Variants in RFX8 observed in about 807,000 individuals in gnomAD.
RFX8 encodes the protein DNA-binding protein RFX8.
A neutral mutation model predicts 54.6 loss-of-function variants in RFX8; 46 were observed. That is an observed-to-expected ratio of 0.84 (90% CI 0.67 to 1.08). The LOEUF (loss-of-function observed/expected upper bound fraction) is 1.08. RFX8 is among the 50% of genes least tolerant of loss of function. The probability of loss-of-function intolerance (pLI) is 0.00; values close to 1 mark genes in which losing one functional copy is unlikely to be tolerated. For missense variants in RFX8, 536 were observed against 562.3 expected, an observed-to-expected ratio of 0.95 and a Z score of 0.47; for synonymous variants, 192 against 209.5, an observed-to-expected ratio of 0.92 and a Z score of 0.72.
chr2:101,401,731 C>T (rs771869378), intron 11 of RFX8, among the ~76,000 whole-genome samples: 4 of 152,246 alleles, frequency 2.6e-5, no homozygotes, highest in Middle Eastern at 3.4e-3. Flanking sequence ...CTACAACCTG[C>T]GTCCTGCACT....
At chr2:101,420,479 G>A (rs1686801685) in intron 4 of RFX8, among the ~76,000 whole-genome samples, 1 of 152,068 alleles carries the variant, frequency 6.6e-6, no homozygotes, top group South Asian at 2.1e-4. Context: ...AGGAGGTGGA[G>A]GTACAGTGAG....
At chr2:101,469,080 G>GTA (rs1491455388) in intron 1 of RFX8, among the ~76,000 whole-genome samples, 164 of 8,062 alleles carry the variant, frequency 0.02, 16 homozygotes, top group African/African-American at 0.11. Flanking sequence ...ATATATATAA[G>GTA]TGTATATATA....
chr2:101,420,224 C>T lies in RFX8; in HGVS notation c.238-1260G>A, dbSNP rs116740992. 2.8e-3 allele frequency among the ~76,000 whole-genome samples: 430 copies of T among 152,232 alleles called. 5 individuals are homozygous for T. The highest frequency in any genetic ancestry group is 9.9e-3 in the African/African-American group (412 of 41,536). On this transcript the variant is annotated intron_variant, in intron 4 of 11. Transcript: ENST00000428343. ...GGCATCAGCCTACTTTCCCACCTCC[C>T]CTCTGGCTTCTCTTCTTTAGTAATA...
intron 2 of RFX8, among the ~76,000 whole-genome samples, chr2:101,447,527 G>A (rs1009653654): frequency 6.6e-6 from 1 of 152,014 alleles, no homozygotes; most frequent in Non-Finnish European, 1.5e-5. Context: ...TACATTTATG[G>A]GGTACATGTG....
At chr2:101,416,878 A>G (rs1014081295) in intron 6 of RFX8, among the ~76,000 whole-genome samples, 4 of 152,194 alleles carry the variant, frequency 2.6e-5, no homozygotes, top group African/African-American at 9.7e-5. Context: ...GCATTCAGAG[A>G]CTGCTGCCTG....
chr2:101,402,289 C>T (rs1685477631), intron 11 of RFX8, 147 bp downstream of exon 11: 1 of 703,806 alleles, frequency 1.4e-6, no homozygotes, highest in African/African-American at 1.8e-5. Flanking sequence ...GAATTAAACT[C>T]ACCCCTGGCA....
chr2:101,461,719 A>G (rs1689291719), intron 2 of RFX8, among the ~76,000 whole-genome samples: 1 of 152,224 alleles, frequency 6.6e-6, no homozygotes. Context: ...AACTTGCAGA[A>G]AATATAATTA....
chr2:101,402,894 C>A (rs541851822), intron 10 of RFX8, 142 bp from the exon 11 acceptor site: 2 of 724,456 alleles, frequency 2.8e-6, no homozygotes, highest in South Asian at 3.9e-5. Flanking sequence ...AGGCCTGGGT[C>A]GGCCTCTTAC....
At chr2:101,469,321 T>TA (rs5832972) in intron 1 of RFX8, among the ~76,000 whole-genome samples, 3 of 149,886 alleles carry the variant, frequency 2.0e-5, no homozygotes, top group African/African-American at 7.4e-5. Flanking sequence ...TCCAGATACT[T>TA]AAAAAAAAAT....
intron 2 of RFX8, among the ~76,000 whole-genome samples, chr2:101,451,067 C>T (rs7569143): frequency 0.34 from 52,320 of 151,798 alleles, 9,700 homozygotes; most frequent in African/African-American, 0.44. Flanking sequence ...GCTCCCTCCA[C>T]TGAAGTTGTC....
chr2:101,465,494 G>A (rs1689522814), intron 2 of RFX8, among the ~76,000 whole-genome samples: 1 of 152,054 alleles, frequency 6.6e-6, no homozygotes, highest in Non-Finnish European at 1.5e-5. Context: ...TGGCGACAGG[G>A]CAAGACTCTG....
At chr2:101,428,377 C>T (rs905401758) in intron 2 of RFX8, among the ~76,000 whole-genome samples, 2 of 152,320 alleles carry the variant, frequency 1.3e-5, no homozygotes, top group Admixed American at 6.5e-5. Context: ...CTTTCCACCA[C>T]GTGAGACACG....
At chr2:101,468,137 A>G (rs1197507045) in intron 1 of RFX8, among the ~76,000 whole-genome samples, 3 of 152,204 alleles carry the variant, frequency 2.0e-5, no homozygotes, top group Non-Finnish European at 4.4e-5. Flanking sequence ...ACACATGGAC[A>G]TAAGGAATAG....
intron 2 of RFX8, among the ~76,000 whole-genome samples, chr2:101,424,267 A>T (rs1687043778): frequency 6.6e-6 from 1 of 152,224 alleles, no homozygotes; most frequent in African/African-American, 2.4e-5. Context: ...ACATGAAAAA[A>T]TGCTCATCAT....
rs751502090 is a variant in RFX8 at position 101,474,186 on chromosome 2, G to A, written c.-53+450C>T. On this transcript the variant is annotated intron_variant, in intron 1 of 11. Transcript: ENST00000428343. ...CACCTCCTCCATCCCAGCGTCCCAG[G>A]CGCCTGGCGGCTCACCACTGGATGA... 13 of 626,202 alleles carry A rather than the reference G, an allele frequency of 2.1e-5. No homozygotes were observed. The Admixed American group carries it at 2.4e-4, about 12-fold the overall frequency. 38.8% of individuals were successfully genotyped at this position (626,202 alleles called of 1,614,324 possible).
chr2:101,472,978 C>T (rs1690094311), intron 1 of RFX8, among the ~76,000 whole-genome samples: 1 of 151,774 alleles, frequency 6.6e-6, no homozygotes, highest in African/African-American at 2.4e-5. Context: ...AAGATCGTGC[C>T]ACTGCACTCC....
At position 101,469,003 on chromosome 2, in the gene RFX8, CGTATATATATATAG is replaced by C. The variant is rs1330683558; in HGVS notation, c.-52-2117_-52-2104del. Reference sequence around the variant, plus strand: ...GTATATATATATAAGTATATATATACGTATATATATATAGGTATATATATATACGTATATATATG... The same window carrying C: ...GTATATATATATAAGTATATATATACGTATATATATATACGTATATATATG... On this transcript the variant is annotated intron_variant, in intron 1 of 11. Coordinates refer to ENST00000428343, the MANE Select transcript of RFX8 (RefSeq NM_001145664.2). Among the ~76,000 whole-genome samples, 71 of 29,184 alleles carry C rather than the reference CGTATATATATATAG, an allele frequency of 2.4e-3. 1 individual carries two copies. Among genetic ancestry groups the C allele is most frequent in the African/African-American group, 6.8e-3 (62 of 9,146 alleles). The allele number at this position is 29,184 out of a possible 152,430, so 19.1% of individuals were successfully genotyped here. A position where few individuals can be genotyped will look rare whatever the true frequency, so the allele number is the denominator to read the frequency against.
At chr2:101,406,763 C>A (rs1184667657) in intron 9 of RFX8, among the ~76,000 whole-genome samples, 3 of 152,144 alleles carry the variant, frequency 2.0e-5, no homozygotes, top group Non-Finnish European at 4.4e-5. Flanking sequence ...TTTATTCCTG[C>A]ACTTCTGCAT....
chr2:101,422,388 G>T lies in RFX8; in HGVS notation c.157C>A (p.Gln53Lys). 6.5e-7 allele frequency: 1 copy of T among 1,542,656 alleles called. No individual in the cohort carries two copies. The highest frequency in any genetic ancestry group is 1.2e-5 in the South Asian group (1 of 83,890). ...FRRCPFLEQEQAKKYSCNMMA... is the reference protein window; with the variant it reads ...FRRCPFLEQEKAKKYSCNMMA... The stretch of plus-strand genomic sequence containing the variant: ...ATATTACAGGAGTATTTCTTTGCCT[G>T]TTCTTGCTCCAGAAATGGACATCTC... The change falls in exon 3 of 12, where the codon CAG (glutamine) becomes AAG (lysine). Residue 53 changes from glutamine to lysine, a missense_variant. Transcript: ENST00000428343.
Sources: gnomAD v4.1 joint callset for allele counts (sites outside exome capture counted in the v4.1 genomes callset) on GRCh38, gnomAD v4.1.1 for gene constraint, MANE v1.5 for transcripts, NCBI Gene and HGNC (gene_info 2026-07-23, HGNC 2026-07-21) for gene names.